Variants in BRD10 observed in about 807,000 individuals in gnomAD.
The protein encoded by BRD10 is uncharacterized bromodomain-containing protein 10.
the BRD10 span, among the ~76,000 whole-genome samples, chr9:5,946,751 T>C: frequency 6.6e-6 from 1 of 152,108 alleles, no homozygotes; most frequent in African/African-American, 2.4e-5. Context: ...GTTGTCTCAC[T>C]ACACAAGGAA....
chr9:5,959,548 T>C, the BRD10 span, among the ~76,000 whole-genome samples: 4 of 152,266 alleles, frequency 2.6e-5, no homozygotes, highest in East Asian at 1.9e-4. Context: ...AGTAGAAGGA[T>C]TGAAAAAATA....
At chr9:5,933,870 G>A in the BRD10 span, 4 of 469,418 alleles carry the variant, frequency 8.5e-6, no homozygotes, top group African/African-American at 8.0e-5. Context: ...TGATGCTGGG[G>A]ACATTGGATA....
chr9:5,999,635 G>C, the BRD10 span, among the ~76,000 whole-genome samples: 1 of 152,012 alleles, frequency 6.6e-6, no homozygotes, highest in African/African-American at 2.4e-5. Context: ...CGTCACACCT[G>C]TCACTACTTT....
the BRD10 span, chr9:5,897,415 G>T: frequency 1.4e-6 from 1 of 715,002 alleles, no homozygotes; most frequent in Non-Finnish European, 2.4e-6. Context: ...GCCCAGTGTG[G>T]GAGGTGGGAA....
the BRD10 span, among the ~76,000 whole-genome samples, chr9:5,887,057 G>A: frequency 1.3e-5 from 2 of 152,222 alleles, no homozygotes; most frequent in African/African-American, 4.8e-5. Flanking sequence ...TCAGGAGTTC[G>A]AGACCAGCCT....
chr9:5,967,737 G>C, the BRD10 span, among the ~76,000 whole-genome samples: 1 of 134,458 alleles, frequency 7.4e-6, no homozygotes, highest in Non-Finnish European at 1.6e-5. Context: ...CGATGGGAAA[G>C]AAATTGGTCC....
the BRD10 span, among the ~76,000 whole-genome samples, chr9:5,899,533 A>G: frequency 6.6e-6 from 1 of 152,184 alleles, no homozygotes; most frequent in Non-Finnish European, 1.5e-5. Flanking sequence ...ATGAATCTGA[A>G]CAAGACTCCA....
the BRD10 span, among the ~76,000 whole-genome samples, chr9:5,950,502 C>A: frequency 1.3e-5 from 2 of 152,162 alleles, no homozygotes; most frequent in Non-Finnish European, 1.5e-5. Flanking sequence ...AAGTAGGTAG[C>A]CTGGTTGCAG....
chr9:5,943,472 A>G, the BRD10 span, among the ~76,000 whole-genome samples: 4 of 152,202 alleles, frequency 2.6e-5, no homozygotes, highest in East Asian at 7.7e-4. Flanking sequence ...AAAAAACAGT[A>G]ACACTCTGAT....
chr9:5,905,824 C>T, the BRD10 span, among the ~76,000 whole-genome samples: 1 of 152,222 alleles, frequency 6.6e-6, no homozygotes, highest in African/African-American at 2.4e-5. Context: ...AACCCAACCA[C>T]CTCAGGCACA....
At chr9:5,981,423 C>G in the BRD10 span, among the ~76,000 whole-genome samples, 80 of 152,174 alleles carry the variant, frequency 5.3e-4, no homozygotes, top group Non-Finnish European at 9.4e-4. Context: ...TTTGAAATAT[C>G]CTAATTTGAA....
the BRD10 span, among the ~76,000 whole-genome samples, chr9:5,936,923 G>A: frequency 2.3e-4 from 35 of 152,250 alleles, no homozygotes; most frequent in African/African-American, 8.2e-4. Flanking sequence ...ATAAGGGTAT[G>A]TGATACGTGA....
the BRD10 span, among the ~76,000 whole-genome samples, chr9:5,998,703 A>T: frequency 6.6e-6 from 1 of 152,098 alleles, no homozygotes; most frequent in African/African-American, 2.4e-5. Flanking sequence ...AAGAGATTTC[A>T]GTTATCCTAT....
At chr9:5,897,214 G>T in the BRD10 span, among the ~76,000 whole-genome samples, 1 of 152,192 alleles carries the variant, frequency 6.6e-6, no homozygotes, top group South Asian at 2.1e-4. Flanking sequence ...TTTTAAAACA[G>T]CCTGATGAGA....
the BRD10 span, among the ~76,000 whole-genome samples, chr9:5,997,609 A>G: frequency 6.6e-6 from 1 of 152,198 alleles, no homozygotes; most frequent in Admixed American, 6.5e-5. Context: ...AGATCCAAAT[A>G]CACCAATAAT....
At chr9:5,967,037 A>G in the BRD10 span, among the ~76,000 whole-genome samples, 3 of 152,268 alleles carry the variant, frequency 2.0e-5, no homozygotes, top group Non-Finnish European at 4.4e-5. Flanking sequence ...TAACTAAAAC[A>G]TAACACCAAT....
the BRD10 span, among the ~76,000 whole-genome samples, chr9:5,899,830 C>T: frequency 6.6e-6 from 1 of 152,204 alleles, no homozygotes; most frequent in Non-Finnish European, 1.5e-5. Flanking sequence ...ATGGTAGTCA[C>T]TCAATTGTGT....
At chr9:6,008,116 G>T in the BRD10 span, 2 of 984,018 alleles carry the variant, frequency 2.0e-6, no homozygotes, top group African/African-American at 3.5e-5. Context: ...CACCGGCCAG[G>T]CCCTGCCGGG....
the BRD10 span, among the ~76,000 whole-genome samples, chr9:5,958,819 T>C: frequency 6.6e-6 from 1 of 152,132 alleles, no homozygotes; most frequent in South Asian, 2.1e-4. Context: ...GGTATTTGTA[T>C]TATTAAACAG....
Sources: allele counts gnomAD v4.1 joint callset (sites outside exome capture counted in the v4.1 genomes callset), GRCh38; gene constraint gnomAD v4.1.1; transcripts MANE v1.5; gene names NCBI Gene and HGNC (gene_info 2026-07-23, HGNC 2026-07-21).